Variants in SLC25A17 observed in about 807,000 individuals in gnomAD.
SLC25A17 encodes the protein solute carrier family 25 member 17.
Under a neutral mutation model 38.5 loss-of-function variants are expected in SLC25A17, and 26 were observed. That is an observed-to-expected ratio of 0.68 (90% confidence interval 0.50 to 0.94). The LOEUF is 0.94. Ranked by LOEUF, SLC25A17 falls within the 40% of genes least tolerant of loss-of-function variation. The pLI is 0.00. For missense variants in SLC25A17, 333 were observed against 372.7 expected, an observed-to-expected ratio of 0.89 and a Z score of 0.88; for synonymous variants, 139 against 136.2, an observed-to-expected ratio of 1.02 and a Z score of -0.14.
rs1201659423 is a variant in SLC25A17 at position 40,770,233 on chromosome 22, A to C, written c.*601T>G. On this transcript the variant is annotated 3_prime_UTR_variant, in exon 9 of 9. Coordinates refer to ENST00000435456, the MANE Select transcript of SLC25A17 (RefSeq NM_006358.4). Reference sequence around the variant, plus strand: ...TAATGAATAAGTGACATTTACAAATAGTTTATAAGAGAATCATTTGGGTGA... The same window carrying C: ...TAATGAATAAGTGACATTTACAAATCGTTTATAAGAGAATCATTTGGGTGA... 3 of 152,380 alleles carry C rather than the reference A, an allele frequency of 2.0e-5. No homozygotes were observed. The highest frequency in any genetic ancestry group is 2.9e-5 in the Non-Finnish European group (2 of 68,038). The allele number at this position is 152,380 out of a possible 1,614,324, so 9.4% of individuals were successfully genotyped here. A position where few individuals can be genotyped will look rare whatever the true frequency, so the allele number is the denominator to read the frequency against.
At chr22:40,813,673 G>A (rs1034221263) in intron 1 of SLC25A17, among the ~76,000 whole-genome samples, 3 of 152,174 alleles carry the variant, frequency 2.0e-5, no homozygotes, top group Admixed American at 6.5e-5. Context: ...GCAGTGAGCC[G>A]AGATCACGCC....
At chr22:40,804,522 T>A (rs2057512442) in intron 1 of SLC25A17, among the ~76,000 whole-genome samples, 1 of 152,226 alleles carries the variant, frequency 6.6e-6, no homozygotes, top group South Asian at 2.1e-4. Flanking sequence ...AAATGTCTAT[T>A]CAGAGCTTTC....
intron 1 of SLC25A17, among the ~76,000 whole-genome samples, chr22:40,801,973 G>A (rs1372363156): frequency 2.0e-5 from 3 of 152,068 alleles, no homozygotes; most frequent in Non-Finnish European, 4.4e-5. Flanking sequence ...TGTATTTTTA[G>A]TGGAGACGGG....
chr22:40,816,776 A>G (rs2057644959), intron 1 of SLC25A17, among the ~76,000 whole-genome samples: 1 of 151,708 alleles, frequency 6.6e-6, no homozygotes, highest in Non-Finnish European at 1.5e-5. Context: ...ATGCCTGGCT[A>G]CTTTTTGTAT....
chr22:40,771,058 T>A (rs1486246383), intron 8 of SLC25A17, 77 bp from the exon 9 acceptor site: 11 of 1,277,760 alleles, frequency 8.6e-6, no homozygotes, highest in South Asian at 1.7e-5. Context: ...GCTACTTTGA[T>A]AAGAACAAGC....
chr22:40,794,684 AT>A lies in SLC25A17; in HGVS notation c.116-105del. 3 of 507,412 alleles carry A rather than the reference AT, an allele frequency of 5.9e-6. No homozygotes were observed. The South Asian group carries it at 7.6e-5, about 13-fold the overall frequency. The allele number at this position is 507,412 out of a possible 1,614,324, so 31.4% of individuals were successfully genotyped here. A position where few individuals can be genotyped will look rare whatever the true frequency, so the allele number is the denominator to read the frequency against. ...GCCCAGGCTGGAGTGCAGTGGCGTGATCTCAGCTCACTGCAACCTCCACCTC... is the reference window on the plus strand; with the variant it reads ...GCCCAGGCTGGAGTGCAGTGGCGTGACTCAGCTCACTGCAACCTCCACCTC... On this transcript the variant is annotated intron_variant, in intron 2 of 8. Transcript: ENST00000435456.
At chr22:40,790,471 GA>G (rs1040570294) in intron 4 of SLC25A17, among the ~76,000 whole-genome samples, 2 of 144,408 alleles carry the variant, frequency 1.4e-5, no homozygotes, top group African/African-American at 2.6e-5. Context: ...AAAAAAAAAA[GA>G]AAAAAATTGT....
At chr22:40,786,015 A>T (rs1420093124) in intron 4 of SLC25A17, among the ~76,000 whole-genome samples, 1 of 152,020 alleles carries the variant, frequency 6.6e-6, no homozygotes, top group Admixed American at 6.6e-5. Flanking sequence ...GTGACAGATC[A>T]GTTAGGAGGT....
chr22:40,791,049 G>A (rs1020220716), intron 4 of SLC25A17, among the ~76,000 whole-genome samples: 5 of 152,308 alleles, frequency 3.3e-5, no homozygotes, highest in Admixed American at 6.5e-5. Flanking sequence ...TGCAAAGTGG[G>A]TTCATGAGGA....
In SLC25A17 at chr22:40,777,297, G is replaced by A; in HGVS notation, c.528C>T (p.Val176=). 1 of 1,614,162 alleles carries A rather than the reference G, an allele frequency of 6.2e-7. No individual in the cohort carries two copies. Among genetic ancestry groups the A allele is most frequent in the South Asian group, 1.1e-5 (1 of 91,086 alleles). ...ACATGAACTGGATGGCAGGATTGAA[G>A]ACCAACAGCAATGAGGGAAATGTGC... ...WNGTFPSLLL[V]FNPAIQFMFY... is the part of the protein sequence containing the mutation. The change falls in exon 6 of 9, where the codon GTC becomes GTT. Residue 176 remains valine (V), a synonymous_variant. Transcript: ENST00000435456.
intron 1 of SLC25A17, among the ~76,000 whole-genome samples, chr22:40,805,607 C>T (rs2057523050): frequency 1.3e-5 from 2 of 152,092 alleles, no homozygotes; most frequent in Admixed American, 1.3e-4. Flanking sequence ...AATATACTAA[C>T]ACTAATGAGA....
In SLC25A17 at chr22:40,807,312, C is replaced by T. The variant is rs140040962; in HGVS notation, c.55-8229G>A. Among the ~76,000 whole-genome samples the T allele has an allele frequency of 3.8e-3, 586 of 152,252 alleles. 24 individuals are homozygous for T. In the East Asian group the frequency reaches 0.087, roughly 23 times the overall value. On this transcript the variant is annotated intron_variant, in intron 1 of 8. Transcript: ENST00000435456. ...ACTATCATTCTCTTTATTTTATAGA[C>T]AAGGAAGCAGATGCCAAAAGGTACA...
At chr22:40,778,526 A>G (rs2057266270) in intron 5 of SLC25A17, among the ~76,000 whole-genome samples, 2 of 152,180 alleles carry the variant, frequency 1.3e-5, no homozygotes, top group African/African-American at 2.4e-5. Context: ...AAGAAATGCT[A>G]TTGATGGATG....
At chr22:40,796,148 A>C (rs2057427600) in intron 2 of SLC25A17, among the ~76,000 whole-genome samples, 2 of 152,244 alleles carry the variant, frequency 1.3e-5, no homozygotes, top group Non-Finnish European at 2.9e-5. Flanking sequence ...CTAAAAAATA[A>C]AGTCTCAAAA....
At chr22:40,815,737 C>G (rs1268541819) in intron 1 of SLC25A17, among the ~76,000 whole-genome samples, 3 of 152,062 alleles carry the variant, frequency 2.0e-5, no homozygotes, top group Non-Finnish European at 4.4e-5. Flanking sequence ...TTTTATAGTT[C>G]GATTGATGAT....
At chr22:40,818,820 A>G (rs1455574990) in intron 1 of SLC25A17, among the ~76,000 whole-genome samples, 7 of 152,082 alleles carry the variant, frequency 4.6e-5, no homozygotes, top group African/African-American at 1.7e-4. Context: ...GCTGTAGGGA[A>G]GCATGTGACT....
At chr22:40,814,921 G>A (rs894936973) in intron 1 of SLC25A17, among the ~76,000 whole-genome samples, 4 of 151,880 alleles carry the variant, frequency 2.6e-5, no homozygotes, top group African/African-American at 9.7e-5. Flanking sequence ...CCGGGTTCAT[G>A]CCGTTCTCCT....
intron 1 of SLC25A17, among the ~76,000 whole-genome samples, chr22:40,804,831 C>T (rs2057515235): frequency 6.6e-6 from 1 of 152,124 alleles, no homozygotes; most frequent in Non-Finnish European, 1.5e-5. Flanking sequence ...GGCCCAAGGC[C>T]AGGTGTGGTG....
At chr22:40,802,373 G>A (rs758622974) in intron 1 of SLC25A17, among the ~76,000 whole-genome samples, 21 of 152,174 alleles carry the variant, frequency 1.4e-4, no homozygotes, top group East Asian at 5.8e-4. Context: ...GGCCAGGCAC[G>A]TTGGCTCAAG....
Sources: allele counts gnomAD v4.1 joint callset (sites outside exome capture counted in the v4.1 genomes callset), GRCh38; gene constraint gnomAD v4.1.1; transcripts MANE v1.5; gene names NCBI Gene and HGNC (gene_info 2026-07-23, HGNC 2026-07-21).